ZNF638: variants seen among roughly 807,000 people sequenced by gnomAD.
ZNF638 encodes CTCL tumor antigen se33-1.
A neutral mutation model predicts 195.6 loss-of-function variants in ZNF638; 46 were observed. That is an observed-to-expected ratio of 0.24 (90% CI 0.19 to 0.30). ZNF638 has a LOEUF of 0.30. Among genes scored for constraint, ZNF638 ranks in the 10% least tolerant of loss-of-function variants. The probability of loss-of-function intolerance (pLI) is 1.00; values close to 1 mark genes in which losing one functional copy is unlikely to be tolerated. For synonymous variants in ZNF638, 845 were observed against 772.0 expected (o/e 1.09, Z -1.57); for missense variants, 2,440 against 2,325.3 (o/e 1.05, Z -1.01).
chr2:71,339,106 A>G (rs2078719389), intron 1 of ZNF638, among the ~76,000 whole-genome samples: 1 of 151,622 alleles, frequency 6.6e-6, no homozygotes, highest in African/African-American at 2.4e-5. Context: ...TGCACTTGTA[A>G]AGACTTCAAG....
rs1478992534 is a variant in ZNF638 at position 71,426,969 on chromosome 2, A to C, written c.5100A>C (p.Ile1700=). Residue 1700 remains isoleucine, a synonymous_variant, in exon 24 of 28, where the codon ATA becomes ATC. Transcript: ENST00000264447. ...EELPLNESAD[I]TFATLNTKGN... ...TACCTTTGAATGAGTCAGCAGACAT[A>C]ACTTTTGCCACTTTAAATACTAAAG... The C allele has an allele frequency of 6.2e-7, 1 of 1,612,486 alleles. No individual in the cohort carries two copies. Among genetic ancestry groups the C allele is most frequent in the East Asian group, 2.2e-5 (1 of 44,870 alleles).
At chr2:71,333,462 C>T (rs1239856893) in intron 1 of ZNF638, among the ~76,000 whole-genome samples, 1 of 151,990 alleles carries the variant, frequency 6.6e-6, no homozygotes, top group Non-Finnish European at 1.5e-5. Flanking sequence ...TTTTGTAATC[C>T]TTTTTTGCAT....
chr2:71,395,164 C>G, intron 10 of ZNF638: 2 of 712,548 alleles, frequency 2.8e-6, no homozygotes, highest in South Asian at 3.0e-5. Context: ...GAACATCTCT[C>G]CTGGATAGAC....
intron 10 of ZNF638, among the ~76,000 whole-genome samples, chr2:71,382,717 C>CA (rs770064039): frequency 2.0e-5 from 3 of 152,008 alleles, no homozygotes; most frequent in Admixed American, 1.3e-4. Flanking sequence ...CTTGAGGTGA[C>CA]AAATATTAAA....
chr2:71,381,453 T>G (rs1035376688), intron 10 of ZNF638, among the ~76,000 whole-genome samples: 4 of 152,092 alleles, frequency 2.6e-5, no homozygotes, highest in Admixed American at 2.6e-4. Context: ...AGGCAGTACA[T>G]TTTGATTAAG....
chr2:71,355,578 T>C (rs191670238), intron 2 of ZNF638, 141 bp from the exon 3 acceptor site: 9 of 598,524 alleles, frequency 1.5e-5, no homozygotes, highest in Non-Finnish European at 2.0e-5. Context: ...TTTGTGAAAA[T>C]TTTACTGAGC....
Position 71,349,049 on chromosome 2 carries a change from T to C in ZNF638, c.95T>C (p.Met32Thr). ...GGGATGAGGCCTCCAGGACCATTTA[T>C]GAGGCCTGGATCTATGGGTCTCCCA... ...PSGMRPPGPF[M>T]RPGSMGLPRF... is the part of the protein sequence containing the mutation. The change falls in exon 2 of 28, where the codon ATG becomes ACG. Residue 32 changes from methionine (M) to threonine (T), a missense_variant. By Grantham distance (81) the Met-to-Thr change is moderately conservative. This residue lies in a region of ZNF638 where 191 missense variants were observed against 173.8 expected (regional missense o/e 1.10). Transcript: ENST00000264447. 2 of 1,614,234 alleles carry C rather than the reference T, an allele frequency of 1.2e-6. No homozygotes were observed. Among genetic ancestry groups the C allele is most frequent in the Non-Finnish European group, 1.7e-6 (2 of 1,180,034 alleles).
chr2:71,363,308 T>C, intron 4 of ZNF638, 117 bp downstream of exon 4: 2 of 719,554 alleles, frequency 2.8e-6, no homozygotes, highest in Admixed American at 2.9e-5. Flanking sequence ...AACAGGCAAA[T>C]GCAAAAACCT....
At chr2:71,370,912 A>G (rs1434845982) in intron 8 of ZNF638, among the ~76,000 whole-genome samples, 1 of 152,170 alleles carries the variant, frequency 6.6e-6, no homozygotes, top group East Asian at 1.9e-4. Flanking sequence ...TGCGCTAGCT[A>G]ATACTGGGTC....
chr2:71,369,917 C>G lies in ZNF638; in HGVS notation c.2177C>G (p.Thr726Ser), dbSNP rs1357449731. Reference protein sequence around the residue: ...YLEMEFKEAITAIMKYIETTP... With the variant: ...YLEMEFKEAISAIMKYIETTP... Reference sequence around the variant, plus strand: ...GAAATGGAATTTAAAGAGGCAATTACTGCAATTATGAAGTACATTGAAACA... The same window carrying G: ...GAAATGGAATTTAAAGAGGCAATTAGTGCAATTATGAAGTACATTGAAACA... Residue 726 changes from threonine to serine, a missense_variant, in exon 8 of 28, where the codon ACT becomes AGT. Coordinates refer to ENST00000264447, the MANE Select transcript of ZNF638 (RefSeq NM_014497.5). 2.5e-6 allele frequency: 4 copies of G among 1,592,288 alleles called. No homozygotes were observed. Among genetic ancestry groups the G allele is most frequent in the Non-Finnish European group, 3.4e-6 (4 of 1,172,946 alleles).
At chr2:71,337,528 T>C (rs1224750283) in intron 1 of ZNF638, among the ~76,000 whole-genome samples, 2 of 152,112 alleles carry the variant, frequency 1.3e-5, no homozygotes, top group Non-Finnish European at 2.9e-5. Context: ...TCCTCCCAAG[T>C]GGCTGGGAGT....
intron 1 of ZNF638, among the ~76,000 whole-genome samples, chr2:71,332,472 G>T (rs537138788): frequency 2.6e-5 from 4 of 152,286 alleles, no homozygotes; most frequent in African/African-American, 7.2e-5. Flanking sequence ...TTCCGGGCTG[G>T]TGTTCTGTGC....
intron 3 of ZNF638, among the ~76,000 whole-genome samples, chr2:71,356,584 A>G (rs972984547): frequency 1.3e-5 from 2 of 152,126 alleles, no homozygotes; most frequent in African/African-American, 4.8e-5. Flanking sequence ...TGAGCTCAGG[A>G]GTTCAGCCTG....
In ZNF638 at chr2:71,422,950, C is replaced by T. The variant is rs372732229; in HGVS notation, c.3436C>T (p.Pro1146Ser). The change falls in exon 22 of 28, where the codon CCT becomes TCT. Residue 1146 changes from proline to serine, a missense_variant. Physicochemically the swap from Pro to Ser is moderately conservative, Grantham distance 74 (BLOSUM62 -1). This residue lies in a region of ZNF638 where 1,883 missense variants were observed against 1,739.1 expected (regional missense o/e 1.08). Transcript: ENST00000264447. Reference sequence around the variant, plus strand: ...AGAAACTTTGGTACAGCAGGAAGAGCCTTGTGAGGAAGAAGCTGAAAAAGC... The same window carrying T: ...AGAAACTTTGGTACAGCAGGAAGAGTCTTGTGAGGAAGAAGCTGAAAAAGC... ...QTETLVQQEE[P>S]CEEEAEKATC... 119 of 1,613,958 alleles carry T rather than the reference C, an allele frequency of 7.4e-5. 2 individuals carry two copies. The South Asian group carries it at 1.1e-3, about 15-fold the overall frequency.
chr2:71,354,816 A>G (rs1044151535), intron 2 of ZNF638, among the ~76,000 whole-genome samples: 1 of 151,946 alleles, frequency 6.6e-6, no homozygotes, highest in Non-Finnish European at 1.5e-5. Flanking sequence ...GGGATATTGT[A>G]TCTTTGAAAT....
chr2:71,333,229 C>T (rs541453698), intron 1 of ZNF638, among the ~76,000 whole-genome samples: 57 of 152,232 alleles, frequency 3.7e-4, no homozygotes, highest in Admixed American at 7.2e-4. Context: ...TTATTTTGTA[C>T]TCCATATTCT....
Position 71,337,658 on chromosome 2 carries a change from G to A in ZNF638, c.-203+5783G>A, listed in dbSNP as rs1228634226. On this transcript the variant is annotated intron_variant, in intron 1 of 27. Coordinates refer to ENST00000264447, the MANE Select transcript of ZNF638 (RefSeq NM_014497.5). ...TGAGCTCAAGCATTCCACCTGTCTC[G>A]GCCTCCCAAAGTAGTAAGATTACGT... 2.0e-5 allele frequency among the ~76,000 whole-genome samples: 3 copies of A among 152,086 alleles called. No homozygotes were observed. The East Asian group carries it at 5.8e-4, about 29-fold the overall frequency.
At position 71,422,860 on chromosome 2, in the gene ZNF638, G is replaced by A. The variant is rs749367837; in HGVS notation, c.3346G>A (p.Ala1116Thr). ...SPIDESEVQT[A>T]TDSPSVKPNE... ...AATTGATGAAAGTGAGGTGCAAACA[G>A]CAACTGATAGTCCCTCTGTTAAACC... is the stretch of plus-strand genomic sequence containing the variant. Residue 1116 changes from alanine to threonine, a missense_variant, in exon 22 of 28, where the codon GCA (alanine) becomes ACA (threonine). Ala to Thr is a moderately conservative substitution (Grantham distance 58). This residue lies in a region of ZNF638 where 1,883 missense variants were observed against 1,739.1 expected (regional missense o/e 1.08). Transcript: ENST00000264447. 8 of 1,613,938 alleles carry A rather than the reference G, an allele frequency of 5.0e-6. No homozygotes were observed. In the Admixed American group the frequency reaches 1.3e-4, roughly 27 times the overall value.
intron 3 of ZNF638, among the ~76,000 whole-genome samples, chr2:71,358,673 T>C (rs1234595242): frequency 6.6e-6 from 1 of 152,204 alleles, no homozygotes; most frequent in Admixed American, 6.5e-5. Context: ...TCATGATGCC[T>C]TCACAGTTTC....
Sources: gnomAD v4.1 joint callset for allele counts (sites outside exome capture counted in the v4.1 genomes callset) on GRCh38, gnomAD v4.1.1 for gene constraint, gnomAD v4.1.1 regional missense constraint, MANE v1.5 for transcripts, NCBI Gene and HGNC (gene_info 2026-07-23, HGNC 2026-07-21) for gene names.